The following EPB41L3 variants were observed in gnomAD, a reference collection of about 807,000 sequenced individuals.
The protein encoded by EPB41L3 is erythrocyte membrane protein band 4.1 like 3.
A neutral mutation model predicts 127.1 loss-of-function variants in EPB41L3; 57 were observed. That is an observed-to-expected ratio of 0.45 (90% CI 0.36 to 0.56). The LOEUF (loss-of-function observed/expected upper bound fraction) is 0.56, where lower values mean the gene tolerates loss of function less well. Among genes scored for constraint, EPB41L3 ranks in the 20% least tolerant of loss-of-function variants. EPB41L3 has a pLI of 0.00. For missense variants in EPB41L3, 1,273 were observed against 1,372.2 expected (o/e 0.93, Z 1.14); for synonymous variants, 572 against 549.5 (o/e 1.04, Z -0.57).
At chr18:5,503,935 T>C (rs944328247) in intron 1 of EPB41L3, among the ~76,000 whole-genome samples, 2 of 152,230 alleles carry the variant, frequency 1.3e-5, no homozygotes, top group Non-Finnish European at 2.9e-5. Context: ...CAATCTCTCT[T>C]GAGAAGAATA....
chr18:5,613,426 C>A (rs2094753662), intron 2 of EPB41L3, among the ~76,000 whole-genome samples: 1 of 152,194 alleles, frequency 6.6e-6, no homozygotes, highest in Non-Finnish European at 1.5e-5. Flanking sequence ...CCAAATGCGA[C>A]AAGGTATGCT....
intron 3 of EPB41L3, among the ~76,000 whole-genome samples, chr18:5,457,757 G>A (rs1294151422): frequency 1.3e-5 from 2 of 152,000 alleles, no homozygotes; most frequent in African/African-American, 4.8e-5. Context: ...CTGCAAAGAG[G>A]AGACTGTACA....
At chr18:5,527,611 T>C (rs1471095079) in intron 1 of EPB41L3, among the ~76,000 whole-genome samples, 1 of 152,140 alleles carries the variant, frequency 6.6e-6, no homozygotes, top group African/African-American at 2.4e-5. Context: ...AAACATAAAA[T>C]GTGTAGTGAT....
intron 2 of EPB41L3, among the ~76,000 whole-genome samples, chr18:5,481,135 C>G (rs2075535464): frequency 6.6e-6 from 1 of 152,128 alleles, no homozygotes; most frequent in African/African-American, 2.4e-5. Flanking sequence ...GACAGAGCAG[C>G]TATTTATAGA....
chr18:5,471,583 G>A (rs763492214), intron 3 of EPB41L3, among the ~76,000 whole-genome samples: 12 of 152,182 alleles, frequency 7.9e-5, no homozygotes, highest in Non-Finnish European at 1.5e-4. Flanking sequence ...TATCTACTAT[G>A]TGAAAAATTA....
chr18:5,588,303 A>C (rs1599140264), intron 3 of EPB41L3, among the ~76,000 whole-genome samples: 1 of 152,152 alleles, frequency 6.6e-6, no homozygotes, highest in East Asian at 1.9e-4. Context: ...TTATATGAAT[A>C]GGAATTTTTT....
upstream of EPB41L3, among the ~76,000 whole-genome samples, chr18:5,546,933 T>C (rs2093890627): frequency 6.6e-6 from 1 of 152,228 alleles, no homozygotes; most frequent in African/African-American, 2.4e-5. Flanking sequence ...CATTGAATAA[T>C]GAACTAAGCT....
chr18:5,430,761 C>A (rs528694647), intron 8 of EPB41L3, among the ~76,000 whole-genome samples: 1 of 151,194 alleles, frequency 6.6e-6, no homozygotes, highest in East Asian at 2.0e-4. Flanking sequence ...TCGGGTTCTG[C>A]TACATTTATT....
chr18:5,573,848 A>G (rs2094308746), intron 3 of EPB41L3, among the ~76,000 whole-genome samples: 1 of 152,194 alleles, frequency 6.6e-6, no homozygotes. Context: ...CAGACGAAGA[A>G]TTACCTAACT....
intron 3 of EPB41L3, chr18:5,466,329 C>T (rs1350267013): frequency 6.6e-6 from 1 of 152,204 alleles, no homozygotes; most frequent in African/African-American, 2.4e-5. Context: ...AGACACTGGA[C>T]TGTAGGGCAT....
At chr18:5,540,726 G>A (rs1467150864) in intron 1 of EPB41L3, among the ~76,000 whole-genome samples, 3 of 152,080 alleles carry the variant, frequency 2.0e-5, no homozygotes, top group Admixed American at 6.5e-5. Context: ...TATATTTCAC[G>A]GAAAACTGAT....
intron 1 of EPB41L3, among the ~76,000 whole-genome samples, chr18:5,617,556 G>A (rs979339391): frequency 4.6e-5 from 7 of 152,210 alleles, no homozygotes; most frequent in South Asian, 2.1e-4. Flanking sequence ...CTGACCTCGC[G>A]ATCCGCCCGC....
At chr18:5,523,078 G>T (rs1204418391) in intron 1 of EPB41L3, among the ~76,000 whole-genome samples, 2 of 152,192 alleles carry the variant, frequency 1.3e-5, no homozygotes, top group Non-Finnish European at 2.9e-5. Context: ...ACAGGGATAT[G>T]CAAAATGACT....
At chr18:5,501,581 C>T (rs552570658) in intron 1 of EPB41L3, among the ~76,000 whole-genome samples, 1 of 152,254 alleles carries the variant, frequency 6.6e-6, no homozygotes, top group South Asian at 2.1e-4. Flanking sequence ...GTTTTCCCCA[C>T]AGTTCTATAT....
At chr18:5,472,498 C>T (rs570713291) in intron 3 of EPB41L3, among the ~76,000 whole-genome samples, 100 of 152,278 alleles carry the variant, frequency 6.6e-4, no homozygotes, top group African/African-American at 2.4e-3. Flanking sequence ...ATAGGTTAAA[C>T]TGGAAACTTA....
At chr18:5,622,115 G>C (rs1219868701) in intron 1 of EPB41L3, among the ~76,000 whole-genome samples, 1 of 151,810 alleles carries the variant, frequency 6.6e-6, no homozygotes, top group Non-Finnish European at 1.5e-5. Flanking sequence ...ATATACTCAG[G>C]ACTAAAATTT....
chr18:5,579,149 TACA>T (rs1277713167), intron 3 of EPB41L3, among the ~76,000 whole-genome samples: 2 of 152,238 alleles, frequency 1.3e-5, no homozygotes, highest in Non-Finnish European at 2.9e-5. Flanking sequence ...GAGAATTATA[TACA>T]ACAAGATGTC....
intron 3 of EPB41L3, among the ~76,000 whole-genome samples, chr18:5,551,256 G>A (rs1462999755): frequency 1.3e-5 from 2 of 152,146 alleles, no homozygotes; most frequent in Non-Finnish European, 2.9e-5. Context: ...GATGAACAGA[G>A]CACCAAGTAA....
chr18:5,611,397 C>T (rs1319661977), intron 3 of EPB41L3, among the ~76,000 whole-genome samples: 1 of 152,150 alleles, frequency 6.6e-6, no homozygotes, highest in Non-Finnish European at 1.5e-5. Flanking sequence ...CAGACACTTA[C>T]ATGAGGTATA....
Sources: gnomAD v4.1 joint callset for allele counts (sites outside exome capture counted in the v4.1 genomes callset) on GRCh38, gnomAD v4.1.1 for gene constraint, MANE v1.5 for transcripts, NCBI Gene and HGNC (gene_info 2026-07-23, HGNC 2026-07-21) for gene names.